The following SUCLA2 variants were observed in gnomAD, a reference collection of about 807,000 sequenced individuals.
SUCLA2 encodes the protein succinate--CoA ligase [ADP-forming] subunit beta, mitochondrial.
Under a neutral mutation model 54.8 loss-of-function variants are expected in SUCLA2, and 30 were observed. That is an observed-to-expected ratio of 0.55 (90% CI 0.41 to 0.74). The LOEUF (loss-of-function observed/expected upper bound fraction) is 0.74. Ranked by LOEUF, SUCLA2 falls within the 30% of genes least tolerant of loss-of-function variation. The pLI is 0.00. For missense variants in SUCLA2, 476 were observed against 562.9 expected (o/e 0.85, Z 1.56); for synonymous variants, 172 against 188.9 (o/e 0.91, Z 0.74).
chr13:47,952,567 C>T (rs1227011674), intron 8 of SUCLA2, among the ~76,000 whole-genome samples: 1 of 152,058 alleles, frequency 6.6e-6, no homozygotes, highest in Non-Finnish European at 1.5e-5. Flanking sequence ...CTAATGTTAA[C>T]TTAACCAACC....
chr13:47,982,396 A>T (rs1050894128), intron 4 of SUCLA2, among the ~76,000 whole-genome samples: 1 of 152,208 alleles, frequency 6.6e-6, no homozygotes, highest in African/African-American at 2.4e-5. Context: ...AAACACAAAG[A>T]ATGGAGATTA....
intron 6 of SUCLA2, among the ~76,000 whole-genome samples, chr13:47,964,601 T>TA (rs1475981789): frequency 1.3e-5 from 2 of 152,232 alleles, no homozygotes; most frequent in African/African-American, 2.4e-5. Flanking sequence ...CTCAAGCCTG[T>TA]AATCCCAGCA....
At chr13:47,960,834 G>C (rs1220060283) in intron 6 of SUCLA2, among the ~76,000 whole-genome samples, 1 of 152,180 alleles carries the variant, frequency 6.6e-6, no homozygotes, top group Non-Finnish European at 1.5e-5. Context: ...CACTCATAAT[G>C]AACTGCTTTT....
Position 47,987,200 on chromosome 13 carries a change from T to C in SUCLA2, c.534+1341A>G, listed in dbSNP as rs143225225. Among the ~76,000 whole-genome samples the C allele has an allele frequency of 2.4e-3, 369 of 152,302 alleles. 3 individuals are homozygous for C. Among genetic ancestry groups the C allele is most frequent in the African/African-American group, 8.3e-3 (343 of 41,572 alleles). On this transcript the variant is annotated intron_variant, in intron 4 of 10. Transcript: ENST00000646932. Reference sequence around the variant, plus strand: ...ACTCAAATTTGATCCTTTTCCCAAATGCCTTAAACATATCTTTAATAATAC... The same window carrying C: ...ACTCAAATTTGATCCTTTTCCCAAACGCCTTAAACATATCTTTAATAATAC...
At chr13:47,951,317 C>T (rs1566081319) in intron 8 of SUCLA2, among the ~76,000 whole-genome samples, 1 of 140,496 alleles carries the variant, frequency 7.1e-6, no homozygotes, top group African/African-American at 2.6e-5. Flanking sequence ...CGCCACCCCG[C>T]CCCCGCTCCC....
chr13:47,948,359 G>C (rs1303427533), intron 10 of SUCLA2, among the ~76,000 whole-genome samples: 1 of 151,680 alleles, frequency 6.6e-6, no homozygotes, highest in South Asian at 2.1e-4. Flanking sequence ...ACATACATAT[G>C]CGTGCATGTG....
chr13:47,968,604 C>A lies in SUCLA2; in HGVS notation c.793G>T (p.Asp265Tyr), dbSNP rs556841173. Residue 265 changes from aspartate to tyrosine, a missense_variant, in exon 6 of 11, where the codon GAT becomes TAT. Asp to Tyr is a radical substitution (Grantham distance 160). Around this residue, in one of 2 missense-constraint regions of SUCLA2, gnomAD observed 342 missense variants for 444.2 expected, o/e 0.77. Coordinates refer to ENST00000646932, the MANE Select transcript of SUCLA2 (RefSeq NM_003850.3). The stretch of plus-strand genomic sequence containing the variant: ...AAAGAAGATACTTTACCAGCTCCAT[C>A]TGAATCTTCCACCATTGGATTTATT... ...IEINPMVEDS[D>Y]GAVLCMDAKI... 10 of 1,611,668 alleles carry A rather than the reference C, an allele frequency of 6.2e-6. No individual in the cohort carries two copies. In the South Asian group the frequency reaches 1.1e-4, roughly 18 times the overall value.
intron 2 of SUCLA2, among the ~76,000 whole-genome samples, chr13:47,996,511 T>A (rs1244900821): frequency 6.6e-6 from 1 of 151,928 alleles, no homozygotes; most frequent in Non-Finnish European, 1.5e-5. Flanking sequence ...TGAAGAATCA[T>A]CACAACTGCC....
chr13:47,968,603 T>A lies in SUCLA2; in HGVS notation c.794A>T (p.Asp265Val), dbSNP rs771747692. Reference sequence around the variant, plus strand: ...AAAAGAAGATACTTTACCAGCTCCATCTGAATCTTCCACCATTGGATTTAT... The same window carrying A: ...AAAAGAAGATACTTTACCAGCTCCAACTGAATCTTCCACCATTGGATTTAT... Reference protein sequence around the residue: ...IEINPMVEDSDGAVLCMDAKI... With the variant: ...IEINPMVEDSVGAVLCMDAKI... The change falls in exon 6 of 11, where the codon GAT becomes GTT. Residue 265 changes from aspartate to valine, a missense_variant. By Grantham distance (152) the Asp-to-Val change is radical. Around this residue, in one of 2 missense-constraint regions of SUCLA2, gnomAD observed 342 missense variants for 444.2 expected, o/e 0.77. Coordinates refer to ENST00000646932, the MANE Select transcript of SUCLA2 (RefSeq NM_003850.3). 2.5e-6 allele frequency: 4 copies of A among 1,611,674 alleles called. No individual in the cohort carries two copies. Among genetic ancestry groups the A allele is most frequent in the Admixed American group, 1.7e-5 (1 of 60,010 alleles).
intron 5 of SUCLA2, 41 bp from the exon 6 acceptor site, chr13:47,968,774 T>A: frequency 1.2e-6 from 2 of 1,602,852 alleles, no homozygotes; most frequent in Non-Finnish European, 1.7e-6. Flanking sequence ...AGTTTGCATA[T>A]GTCTAATCAA....
chr13:47,966,674 TTTC>T (rs1444330451), intron 6 of SUCLA2, among the ~76,000 whole-genome samples: 1 of 151,594 alleles, frequency 6.6e-6, no homozygotes, highest in Admixed American at 6.6e-5. Context: ...TCCATTATTA[TTTC>T]TTCATTAATT....
chr13:47,975,304 G>A (rs926557806), intron 4 of SUCLA2, among the ~76,000 whole-genome samples: 1 of 151,892 alleles, frequency 6.6e-6, no homozygotes, highest in Non-Finnish European at 1.5e-5. Context: ...GGGATTACAC[G>A]CATGCACCAC....
At chr13:47,983,489 CTTTTT>C (rs10548877) in intron 4 of SUCLA2, among the ~76,000 whole-genome samples, 122 of 132,502 alleles carry the variant, frequency 9.2e-4, no homozygotes, top group Admixed American at 1.3e-3. Flanking sequence ...TTTCTTTTCC[CTTTTT>C]TTTTTTTTTT....
chr13:47,964,263 T>C (rs1037934339), intron 6 of SUCLA2, among the ~76,000 whole-genome samples: 1 of 151,700 alleles, frequency 6.6e-6, no homozygotes, highest in Non-Finnish European at 1.5e-5. Context: ...AAAAAAAAAC[T>C]ATAGAGGATG....
intron 6 of SUCLA2, among the ~76,000 whole-genome samples, chr13:47,961,788 CCTTATCAACTGTGT>C (rs1949873528): frequency 6.6e-6 from 1 of 152,146 alleles, no homozygotes; most frequent in South Asian, 2.1e-4. Flanking sequence ...AACCAAATAT[CCTTATCAACTGTGT>C]CTTTATGACT....
intron 6 of SUCLA2, among the ~76,000 whole-genome samples, chr13:47,958,724 T>C (rs1949841929): frequency 1.3e-5 from 2 of 152,122 alleles, no homozygotes; most frequent in Non-Finnish European, 2.9e-5. Flanking sequence ...TTAATGAAAA[T>C]AGTTATTGGT....
chr13:47,959,505 G>A (rs1324160015), intron 6 of SUCLA2, among the ~76,000 whole-genome samples: 1 of 6,016 alleles, frequency 1.7e-4, no homozygotes, highest in Non-Finnish European at 5.1e-4. Flanking sequence ...GGAGCGGGGG[G>A]AGGAGGAGGA....
intron 4 of SUCLA2, among the ~76,000 whole-genome samples, chr13:47,975,165 CTT>C (rs200391823): frequency 0.089 from 12,919 of 144,750 alleles, 683 homozygotes; most frequent in South Asian, 0.18. Flanking sequence ...TCTTTCTTTT[CTT>C]TTTTTTTTTT....
chr13:47,959,783 G>A (rs1249346162), intron 6 of SUCLA2, among the ~76,000 whole-genome samples: 1 of 152,176 alleles, frequency 6.6e-6, no homozygotes, highest in Non-Finnish European at 1.5e-5. Flanking sequence ...CATAGTTAAA[G>A]CTCTTAGTCT....
Sources: allele counts gnomAD v4.1 joint callset (sites outside exome capture counted in the v4.1 genomes callset), GRCh38; gene constraint gnomAD v4.1.1; regional missense constraint gnomAD v4.1.1; transcripts MANE v1.5; gene names NCBI Gene and HGNC (gene_info 2026-07-23, HGNC 2026-07-21).